Variants in TRIP4 observed in about 807,000 individuals in gnomAD.
TRIP4 encodes the protein thyroid hormone receptor interactor 4.
In TRIP4, 54 loss-of-function variants were observed where a neutral mutation model predicts 81.8. That is an observed-to-expected ratio of 0.66 (90% CI 0.53 to 0.83). TRIP4 has a LOEUF of 0.83. Ranked by LOEUF, TRIP4 falls within the 40% of genes least tolerant of loss-of-function variation. The probability of loss-of-function intolerance (pLI) is 0.00; values close to 1 mark genes in which losing one functional copy is unlikely to be tolerated. For synonymous variants in TRIP4, 270 were observed against 242.8 expected (o/e 1.11, Z -1.04); for missense variants, 662 against 683.6 (o/e 0.97, Z 0.35).
intron 1 of TRIP4, among the ~76,000 whole-genome samples, chr15:64,390,874 G>A (rs1400342435): frequency 3.3e-5 from 5 of 151,144 alleles, no homozygotes; most frequent in Admixed American, 1.3e-4. Flanking sequence ...CAGCCTGGGC[G>A]ACAGAGCGAG....
intron 7 of TRIP4, 88 bp from the exon 8 acceptor site, chr15:64,413,997 A>G: frequency 6.8e-7 from 1 of 1,468,916 alleles, no homozygotes. Flanking sequence ...TCCAAATTTT[A>G]TTACTATTAA....
Position 64,397,819 on chromosome 15 carries a change from G to A in TRIP4, c.618+1G>A, listed in dbSNP as rs750756983. On this transcript the variant is annotated splice_donor_variant, in intron 4 of 12. Transcript: ENST00000261884. LOFTEE classifies it high-confidence loss of function. ...CCCTTGCTTATTCTGTGGCACTCTG[G>A]TAAATTATTTCTTTTCTATTTTATT... is the stretch of plus-strand genomic sequence containing the variant. The A allele has an allele frequency of 2.5e-6, 4 of 1,613,772 alleles. No homozygotes were observed. The highest frequency in any genetic ancestry group is 3.4e-6 in the Non-Finnish European group (4 of 1,179,826).
At chr15:64,435,213 CAAAAAAAAAAA>C (rs35216763) in intron 11 of TRIP4, among the ~76,000 whole-genome samples, 1 of 50,424 alleles carries the variant, frequency 2.0e-5, no homozygotes, top group East Asian at 7.4e-4. Context: ...GACCCCATCT[CAAAAAAAAAAA>C]AAAAAAAAAA....
chr15:64,413,223 G>A (rs1450410809), intron 7 of TRIP4, among the ~76,000 whole-genome samples: 1 of 151,932 alleles, frequency 6.6e-6, no homozygotes, highest in Non-Finnish European at 1.5e-5. Flanking sequence ...TTTGTGACAG[G>A]GCCTTATTGA....
In TRIP4 at chr15:64,424,060, A is replaced by C. The variant is rs1892081002; in HGVS notation, c.1388A>C (p.His463Pro). ...RVEGRSWYTP[H>P]RGRLWIAATA... The stretch of plus-strand genomic sequence containing the variant: ...GAGGGCAGATCCTGGTACACCCCCC[A>C]CAGAGGACGACTTTGGATAGCAGCC... The change falls in exon 10 of 13, where the codon CAC becomes CCC. Residue 463 changes from histidine (H) to proline (P), a missense_variant. By Grantham distance (77) the His-to-Pro change is moderately conservative (BLOSUM62 -2). Coordinates refer to ENST00000261884, the MANE Select transcript of TRIP4 (RefSeq NM_016213.5). 1.2e-6 allele frequency: 2 copies of C among 1,614,082 alleles called. No individual in the cohort carries two copies.
At chr15:64,450,720 G>T (rs1892739624) in intron 12 of TRIP4, 1 of 455,906 alleles carries the variant, frequency 2.2e-6, no homozygotes, top group South Asian at 1.5e-5. Flanking sequence ...GGAAATCCTT[G>T]TTCCTCTTGT....
Position 64,395,440 on chromosome 15 carries a change from G to A in TRIP4, c.314G>A (p.Gly105Asp), listed in dbSNP as rs779672987. The A allele has an allele frequency of 1.2e-6, 2 of 1,613,612 alleles. No homozygotes were observed. Among genetic ancestry groups the A allele is most frequent in the Non-Finnish European group, 1.7e-6 (2 of 1,179,866 alleles). ...AAATCAGGCGACCATCTAAAGCGGG[G>A]TAGGAAGAAAGGGAGAAACAGACAG... is the stretch of plus-strand genomic sequence containing the variant. ...GQKSGDHLKR[G>D]RKKGRNRQEV... The change falls in exon 3 of 13, where the codon GGT becomes GAT. Residue 105 changes from glycine (G) to aspartate (D), a missense_variant. Transcript: ENST00000261884.
At chr15:64,406,594 A>C (rs1891628410) in intron 6 of TRIP4, 135 bp downstream of exon 6, 3 of 1,044,238 alleles carry the variant, frequency 2.9e-6, no homozygotes, top group Non-Finnish European at 4.0e-6. Context: ...GATGCTCTAC[A>C]TAGGAGGCCT....
At chr15:64,444,182 T>C (rs1173090572) in intron 11 of TRIP4, among the ~76,000 whole-genome samples, 2 of 152,158 alleles carry the variant, frequency 1.3e-5, no homozygotes, top group African/African-American at 4.8e-5. Context: ...TCTCTGGTAA[T>C]GAAGTCTGAC....
intron 12 of TRIP4, chr15:64,450,605 C>T (rs1892736729): frequency 2.2e-6 from 1 of 453,030 alleles, no homozygotes; most frequent in African/African-American, 2.0e-5. Context: ...GTTAAGGATA[C>T]AAAATGTCCA....
At chr15:64,446,996 C>G (rs1039268735) in intron 12 of TRIP4, among the ~76,000 whole-genome samples, 1 of 151,764 alleles carries the variant, frequency 6.6e-6, no homozygotes, top group African/African-American at 2.4e-5. Context: ...CCCAGCTACT[C>G]GGGAGGCTGA....
chr15:64,429,289 C>T (rs996654602), intron 11 of TRIP4, among the ~76,000 whole-genome samples: 1 of 151,806 alleles, frequency 6.6e-6, no homozygotes, highest in African/African-American at 2.4e-5. Context: ...TGCACTCCAG[C>T]CTGAGTGACA....
intron 5 of TRIP4, among the ~76,000 whole-genome samples, chr15:64,401,079 A>C (rs1891490743): frequency 6.6e-6 from 1 of 151,584 alleles, no homozygotes; most frequent in African/African-American, 2.4e-5. Flanking sequence ...CTCCTGCCTC[A>C]AACTCCCTAG....
intron 10 of TRIP4, among the ~76,000 whole-genome samples, chr15:64,424,618 C>G (rs1046013058): frequency 3.9e-5 from 6 of 152,158 alleles, no homozygotes; most frequent in Admixed American, 3.9e-4. Flanking sequence ...GACTTCTGAC[C>G]TTTGGGCATC....
intron 12 of TRIP4, chr15:64,450,547 C>T (rs1026141630): frequency 5.1e-6 from 2 of 391,066 alleles, no homozygotes; most frequent in Non-Finnish European, 1.0e-5. Context: ...CCATCATTGC[C>T]CACAGCTGGC....
Position 64,388,015 on chromosome 15 carries a change from C to A in TRIP4, c.101+51C>A, listed in dbSNP as rs1309824699. On this transcript the variant is annotated intron_variant, in intron 1 of 12. Coordinates refer to ENST00000261884, the MANE Select transcript of TRIP4 (RefSeq NM_016213.5). ...GGAAGGAGCTCTGGGATGTGCACTG[C>A]CTGAGCGAACCGGGAAGCGGGGAGG... The A allele has an allele frequency of 3.4e-6, 5 of 1,490,534 alleles. No homozygotes were observed. The South Asian group carries it at 5.1e-5, about 15-fold the overall frequency. The allele number at this position is 1,490,534 out of a possible 1,614,324, so 92.3% of individuals were successfully genotyped here.
intron 6 of TRIP4, among the ~76,000 whole-genome samples, chr15:64,406,752 A>G (rs1033493723): frequency 3.3e-5 from 5 of 152,204 alleles, no homozygotes; most frequent in African/African-American, 7.2e-5. Flanking sequence ...TTTTACTTGT[A>G]GCCATTCATT....
intron 5 of TRIP4, among the ~76,000 whole-genome samples, chr15:64,404,763 T>C (rs561405601): frequency 6.0e-5 from 9 of 151,222 alleles, no homozygotes; most frequent in African/African-American, 2.2e-4. Flanking sequence ...CTGGAGTACA[T>C]TGGTATGAAC....
chr15:64,438,310 G>A (rs1427314676), intron 11 of TRIP4, among the ~76,000 whole-genome samples: 2 of 152,188 alleles, frequency 1.3e-5, no homozygotes, highest in African/African-American at 4.8e-5. Flanking sequence ...ACCTTACCAT[G>A]TACTGTCATT....
Sources: gnomAD v4.1 joint callset for allele counts (sites outside exome capture counted in the v4.1 genomes callset) on GRCh38, gnomAD v4.1.1 for gene constraint, MANE v1.5 for transcripts, NCBI Gene and HGNC (gene_info 2026-07-23, HGNC 2026-07-21) for gene names.